Variants in AGBL1 observed in about 807,000 individuals in gnomAD.
AGBL1 encodes the protein AGBL carboxypeptidase 1, also known as cytosolic carboxypeptidase 4.
A neutral mutation model predicts 118.9 loss-of-function variants in AGBL1; 130 were observed. That is an observed-to-expected ratio of 1.09 (90% CI 0.95 to 1.26). The LOEUF is 1.26. Among genes scored for constraint, AGBL1 ranks in the 50% most tolerant of loss-of-function variants. The pLI, the probability that AGBL1 is intolerant of heterozygous loss-of-function variation, is 0.00. For synonymous variants in AGBL1, 555 were observed against 478.9 expected, an observed-to-expected ratio of 1.16 and a Z score of -2.08; for missense variants, 1,584 against 1,298.1, an observed-to-expected ratio of 1.22 and a Z score of -3.38.
At chr15:86,109,025 A>G (rs1897213859) in intron 1 of AGBL1, among the ~76,000 whole-genome samples, 1 of 152,198 alleles carries the variant, frequency 6.6e-6, no homozygotes, top group South Asian at 2.1e-4. Context: ...TATCTATCAT[A>G]TTTAAGGTCC....
chr15:86,826,065 TC>T (rs1265612863), intron 22 of AGBL1, among the ~76,000 whole-genome samples: 2 of 152,178 alleles, frequency 1.3e-5, no homozygotes, highest in Non-Finnish European at 2.9e-5. Flanking sequence ...TCAGAATATT[TC>T]ACACTGATGT....
At chr15:86,575,811 G>T (rs931683467) in intron 21 of AGBL1, among the ~76,000 whole-genome samples, 1 of 152,066 alleles carries the variant, frequency 6.6e-6, no homozygotes, top group African/African-American at 2.4e-5. Flanking sequence ...TGCCTAGGCT[G>T]ATCTCAAACT....
chr15:86,223,363 A>G (rs2078308596), intron 5 of AGBL1, among the ~76,000 whole-genome samples: 1 of 152,132 alleles, frequency 6.6e-6, no homozygotes, highest in Admixed American at 6.5e-5. Context: ...TTCTCTGCTC[A>G]TTCATTTTGA....
At chr15:86,437,185 GA>G (rs1413038823) in intron 18 of AGBL1, among the ~76,000 whole-genome samples, 4 of 152,130 alleles carry the variant, frequency 2.6e-5, no homozygotes, top group Admixed American at 1.3e-4. Flanking sequence ...AGCTAAATAA[GA>G]AAGACTGAGA....
intron 16 of AGBL1, among the ~76,000 whole-genome samples, chr15:86,289,798 G>A (rs1287268034): frequency 6.6e-6 from 1 of 152,090 alleles, no homozygotes; most frequent in Non-Finnish European, 1.5e-5. Context: ...GATGATCCAG[G>A]ATAGTCTCCT....
chr15:86,544,888 T>G (rs143993131), intron 19 of AGBL1, among the ~76,000 whole-genome samples: 32 of 152,206 alleles, frequency 2.1e-4, no homozygotes, highest in African/African-American at 7.2e-4. Flanking sequence ...AGAAAAAAAG[T>G]TGTGGTCTTT....
intron 24 of AGBL1, among the ~76,000 whole-genome samples, chr15:87,008,986 G>A (rs59945839): frequency 0.011 from 1,625 of 152,288 alleles, 27 homozygotes; most frequent in African/African-American, 0.038. Flanking sequence ...AAAATTTGCA[G>A]CCTGACAATG....
chr15:86,457,409 T>C (rs571622404), intron 18 of AGBL1, among the ~76,000 whole-genome samples: 2 of 152,304 alleles, frequency 1.3e-5, no homozygotes, highest in Admixed American at 1.3e-4. Context: ...AAGACCCCGC[T>C]GGGAGCCAAT....
At chr15:86,295,673 C>T (rs2079624339) in intron 17 of AGBL1, 1 of 281,850 alleles carries the variant, frequency 3.5e-6, no homozygotes, top group East Asian at 6.4e-5. Context: ...CACTTCCTCT[C>T]TTAAAACAGA....
At chr15:86,128,393 T>C (rs1035760170) in intron 1 of AGBL1, among the ~76,000 whole-genome samples, 6 of 152,196 alleles carry the variant, frequency 3.9e-5, no homozygotes, top group Admixed American at 3.3e-4. Flanking sequence ...AGGTGGGGAT[T>C]ACTACAATTC....
intron 21 of AGBL1, among the ~76,000 whole-genome samples, chr15:86,590,320 C>T (rs2084316590): frequency 6.6e-6 from 1 of 152,158 alleles, no homozygotes; most frequent in Non-Finnish European, 1.5e-5. Context: ...GTAATTGAGT[C>T]ATGGGGGTGG....
intron 22 of AGBL1, among the ~76,000 whole-genome samples, chr15:86,728,925 G>C (rs2077492724): frequency 1.3e-5 from 2 of 152,224 alleles, no homozygotes; most frequent in Non-Finnish European, 2.9e-5. Flanking sequence ...ACATGGGCAG[G>C]GATTTTGTGT....
intron 17 of AGBL1, among the ~76,000 whole-genome samples, chr15:86,355,938 T>C (rs1192350432): frequency 6.6e-6 from 1 of 152,200 alleles, no homozygotes; most frequent in Non-Finnish European, 1.5e-5. Flanking sequence ...AATTTAATGA[T>C]GCACTCATGG....
At chr15:86,165,792 CA>C in intron 5 of AGBL1, among the ~76,000 whole-genome samples, 1 of 152,044 alleles carries the variant, frequency 6.6e-6, no homozygotes, top group African/African-American at 2.4e-5. Context: ...GGAACAGGAG[CA>C]AAAAAATTCC....
intron 17 of AGBL1, among the ~76,000 whole-genome samples, chr15:86,306,144 T>G (rs1001844145): frequency 6.6e-6 from 1 of 152,170 alleles, no homozygotes; most frequent in African/African-American, 2.4e-5. Flanking sequence ...CCCTCAAACA[T>G]TTATCCTTTG....
intron 17 of AGBL1, among the ~76,000 whole-genome samples, chr15:86,304,072 C>T (rs1397175909): frequency 6.6e-6 from 1 of 152,122 alleles, no homozygotes; most frequent in Non-Finnish European, 1.5e-5. Flanking sequence ...GATACAATCA[C>T]CCATATGTCA....
At chr15:86,259,230 A>G (rs74025060) in intron 9 of AGBL1, among the ~76,000 whole-genome samples, 1,877 of 152,280 alleles carry the variant, frequency 0.012, 55 homozygotes, top group African/African-American at 0.044. Flanking sequence ...AACCAAAAAT[A>G]TCTCTTAGAC....
At chr15:86,437,771 T>C (rs571565275) in intron 18 of AGBL1, among the ~76,000 whole-genome samples, 2 of 152,332 alleles carry the variant, frequency 1.3e-5, no homozygotes, top group South Asian at 4.1e-4. Flanking sequence ...CTTCTGTTTC[T>C]ATCATGAGTG....
At chr15:86,896,649 A>T (rs902304453) in intron 22 of AGBL1, among the ~76,000 whole-genome samples, 1 of 152,136 alleles carries the variant, frequency 6.6e-6, no homozygotes, top group Non-Finnish European at 1.5e-5. Context: ...TAAAATTAGC[A>T]TATTGTCTAT....
Sources: allele counts gnomAD v4.1 joint callset (sites outside exome capture counted in the v4.1 genomes callset), GRCh38; gene constraint gnomAD v4.1.1; transcripts MANE v1.5; gene names NCBI Gene and HGNC (gene_info 2026-07-23, HGNC 2026-07-21).